The following RIT2 variants were observed in gnomAD, a reference collection of about 807,000 sequenced individuals.
RIT2 encodes Ras like without CAAX 2, also known as GTP-binding protein Rit2.
RIT2 carries 24 observed loss-of-function variants against 23.7 expected under a neutral mutation model. The observed-to-expected ratio is 1.01, with a 90% CI of 0.73 to 1.43. The LOEUF (loss-of-function observed/expected upper bound fraction) is 1.43. Among genes scored for constraint, RIT2 ranks in the 40% most tolerant of loss-of-function variants. The probability of loss-of-function intolerance (pLI) is 0.00; values close to 1 mark genes in which losing one functional copy is unlikely to be tolerated. For missense variants in RIT2, 236 were observed against 266.9 expected, an observed-to-expected ratio of 0.88 and a Z score of 0.81; for synonymous variants, 107 against 91.1, an observed-to-expected ratio of 1.17 and a Z score of -0.99.
chr18:42,916,033 A>C (rs935836998), intron 4 of RIT2, among the ~76,000 whole-genome samples: 1 of 152,040 alleles, frequency 6.6e-6, no homozygotes. Flanking sequence ...AAATAAAATT[A>C]TCCTTCATGC....
At chr18:43,024,904 G>A (rs1318218512) in intron 2 of RIT2, among the ~76,000 whole-genome samples, 1 of 151,904 alleles carries the variant, frequency 6.6e-6, no homozygotes, top group Non-Finnish European at 1.5e-5. Context: ...CAGTCAGAAT[G>A]GCTATCATTA....
intron 3 of RIT2, among the ~76,000 whole-genome samples, chr18:42,954,196 GGT>G (rs1909917552): frequency 6.6e-6 from 1 of 151,894 alleles, no homozygotes; most frequent in Non-Finnish European, 1.5e-5. Flanking sequence ...TGGCCAACAT[GGT>G]GAAACCCTGT....
At chr18:42,912,574 T>C (rs1908798746) in intron 4 of RIT2, among the ~76,000 whole-genome samples, 1 of 151,930 alleles carries the variant, frequency 6.6e-6, no homozygotes, top group African/African-American at 2.4e-5. Context: ...TCGTGTTCAG[T>C]AAGGTTAAAA....
At chr18:42,784,852 G>A (rs77552234) in intron 4 of RIT2, among the ~76,000 whole-genome samples, 11,931 of 151,966 alleles carry the variant, frequency 0.079, 577 homozygotes, top group Middle Eastern at 0.21. Context: ...CAAACAGACC[G>A]AAACTTGAAT....
intron 2 of RIT2, among the ~76,000 whole-genome samples, chr18:42,980,044 G>A (rs1364545503): frequency 6.6e-6 from 1 of 152,112 alleles, no homozygotes; most frequent in Non-Finnish European, 1.5e-5. Context: ...GAGAAAAGAA[G>A]TTGCATGAGA....
chr18:43,003,028 C>T (rs927060969), intron 2 of RIT2, among the ~76,000 whole-genome samples: 11 of 151,840 alleles, frequency 7.2e-5, no homozygotes, highest in Non-Finnish European at 1.2e-4. Flanking sequence ...GCAAGGCATG[C>T]AGGGCAGCCA....
chr18:42,819,323 T>G (rs1906084599), intron 4 of RIT2, among the ~76,000 whole-genome samples: 1 of 152,152 alleles, frequency 6.6e-6, no homozygotes, highest in South Asian at 2.1e-4. Flanking sequence ...TAGTTCCATT[T>G]CATTAAAATC....
intron 2 of RIT2, among the ~76,000 whole-genome samples, chr18:43,015,924 C>T (rs1326138817): frequency 6.6e-6 from 1 of 151,768 alleles, no homozygotes; most frequent in Non-Finnish European, 1.5e-5. Context: ...ATACTTGTAA[C>T]CCCTGTCTAT....
chr18:43,035,771 C>T (rs1799136821), intron 1 of RIT2, among the ~76,000 whole-genome samples: 1 of 152,142 alleles, frequency 6.6e-6, no homozygotes, highest in South Asian at 2.1e-4. Context: ...CCACTGACCC[C>T]AATCCTGCTT....
chr18:43,010,617 G>A (rs912332025), intron 2 of RIT2, among the ~76,000 whole-genome samples: 1 of 151,736 alleles, frequency 6.6e-6, no homozygotes, highest in African/African-American at 2.4e-5. Flanking sequence ...CATTTTCACT[G>A]GAAGTTCCAG....
intron 4 of RIT2, among the ~76,000 whole-genome samples, chr18:42,792,825 T>G (rs963633913): frequency 6.6e-6 from 1 of 152,186 alleles, no homozygotes; most frequent in Non-Finnish European, 1.5e-5. Context: ...TCTATTTATT[T>G]TTAGTAATAT....
At chr18:43,097,535 G>C (rs80347600) in intron 1 of RIT2, among the ~76,000 whole-genome samples, 1 of 151,880 alleles carries the variant, frequency 6.6e-6, no homozygotes, top group South Asian at 2.1e-4. Context: ...TATTGGAAAA[G>C]AGTAGGATAT....
intron 2 of RIT2, among the ~76,000 whole-genome samples, chr18:42,990,848 G>T (rs1424282148): frequency 6.6e-6 from 1 of 151,102 alleles, no homozygotes; most frequent in Non-Finnish European, 1.5e-5. Context: ...ATAGGAGGGG[G>T]TTGGGAGATT....
intron 4 of RIT2, among the ~76,000 whole-genome samples, chr18:42,906,251 T>C (rs1398702846): frequency 2.0e-5 from 3 of 151,934 alleles, no homozygotes; most frequent in Non-Finnish European, 2.9e-5. Flanking sequence ...CTATTTGCCA[T>C]ATGGCAGCAA....
chr18:42,776,012 T>C (rs887504690), intron 4 of RIT2, among the ~76,000 whole-genome samples: 6 of 152,182 alleles, frequency 3.9e-5, no homozygotes, highest in Admixed American at 3.3e-4. Context: ...AGAAATGCTA[T>C]AAAAGCTCGA....
chr18:43,115,572 T>C lies in RIT2; in HGVS notation c.-53A>G. 6.3e-7 allele frequency: 1 copy of C among 1,584,508 alleles called. No homozygotes were observed. Among genetic ancestry groups the C allele is most frequent in the Non-Finnish European group, 8.5e-7 (1 of 1,170,322 alleles). ...GAAGGAGAAAGTCACCCGTGTCAGGTGCTTGCTCGAATATTAAGCAACTCT... is the reference window on the plus strand; with the variant it reads ...GAAGGAGAAAGTCACCCGTGTCAGGCGCTTGCTCGAATATTAAGCAACTCT... On this transcript the variant is annotated 5_prime_UTR_variant, in exon 1 of 5. Coordinates refer to ENST00000326695, the MANE Select transcript of RIT2 (RefSeq NM_002930.4).
At chr18:43,052,378 G>A (rs1360722239) in intron 1 of RIT2, among the ~76,000 whole-genome samples, 1 of 152,004 alleles carries the variant, frequency 6.6e-6, no homozygotes, top group Non-Finnish European at 1.5e-5. Flanking sequence ...TTTCTATTGT[G>A]TTATCCAAGG....
At chr18:43,111,695 G>A (rs964910477) in intron 1 of RIT2, among the ~76,000 whole-genome samples, 1 of 151,996 alleles carries the variant, frequency 6.6e-6, no homozygotes, top group Admixed American at 6.6e-5. Context: ...CTCTATACTT[G>A]TTCCTCCTAA....
At chr18:43,009,839 A>G (rs67662041) in intron 2 of RIT2, among the ~76,000 whole-genome samples, 21,793 of 151,544 alleles carry the variant, frequency 0.14, 1,889 homozygotes, top group East Asian at 0.4. Context: ...AGCTTCTTTC[A>G]CCTCTAATTT....
Sources: gnomAD v4.1 joint callset for allele counts (sites outside exome capture counted in the v4.1 genomes callset) on GRCh38, gnomAD v4.1.1 for gene constraint, MANE v1.5 for transcripts, NCBI Gene and HGNC (gene_info 2026-07-23, HGNC 2026-07-21) for gene names.